The following CACNA2D3 variants were observed in gnomAD, a reference collection of about 807,000 sequenced individuals.
CACNA2D3 encodes voltage-dependent calcium channel subunit alpha-2/delta-3.
In CACNA2D3, 60 loss-of-function variants were observed where a neutral mutation model predicts 160.6. The observed-to-expected ratio is 0.37, with a 90% confidence interval of 0.30 to 0.46. The LOEUF (loss-of-function observed/expected upper bound fraction) is 0.46. Ranked by LOEUF, CACNA2D3 falls within the 20% of genes least tolerant of loss-of-function variation. The pLI is 1.00. For missense variants in CACNA2D3, 1,205 were observed against 1,365.0 expected (o/e 0.88, Z 1.85); for synonymous variants, 558 against 492.9 (o/e 1.13, Z -1.75).
intron 14 of CACNA2D3, among the ~76,000 whole-genome samples, chr3:54,826,971 T>C (rs1575498446): frequency 6.6e-6 from 1 of 152,242 alleles, no homozygotes; most frequent in East Asian, 1.9e-4. Flanking sequence ...CTAGGCACTT[T>C]ATGTCTATAA....
chr3:54,505,348 C>A (rs534032771), intron 5 of CACNA2D3, among the ~76,000 whole-genome samples: 2 of 152,306 alleles, frequency 1.3e-5, no homozygotes, highest in South Asian at 4.1e-4. Context: ...TGGGACCTGT[C>A]TACTTCTTCA....
chr3:54,670,020 A>G (rs1284635658), intron 11 of CACNA2D3, among the ~76,000 whole-genome samples: 1 of 152,196 alleles, frequency 6.6e-6, no homozygotes, highest in Non-Finnish European at 1.5e-5. Context: ...GGAAACACTG[A>G]AACAACAAAA....
intron 5 of CACNA2D3, among the ~76,000 whole-genome samples, chr3:54,540,892 T>C (rs1701961844): frequency 6.6e-6 from 1 of 152,012 alleles, no homozygotes; most frequent in South Asian, 2.1e-4. Context: ...ATATGAAAAA[T>C]AGGGCCTTTG....
chr3:54,816,862 G>T lies in CACNA2D3; in HGVS notation c.1390G>T (p.Ala464Ser). The T allele has an allele frequency of 6.2e-7, 1 of 1,613,372 alleles. No individual in the cohort carries two copies. Among genetic ancestry groups the T allele is most frequent in the Non-Finnish European group, 8.5e-7 (1 of 1,179,764 alleles). ...TGTTTTCCCCCTTCAGCTCCCTCAG[G>T]CACAAAAGGTAAATTCTCTTCTGTC... ...EAYIDSTLPQ[A>S]QKLTDDQGPV... The change falls in exon 14 of 38, where the codon GCA becomes TCA. Residue 464 changes from alanine (A) to serine (S), a missense_variant. Ala to Ser is a moderately conservative substitution (Grantham distance 99). Around this residue, in one of 3 missense-constraint regions of CACNA2D3, gnomAD observed 911 missense variants for 1,002.2 expected, o/e 0.91. Coordinates refer to ENST00000474759, the MANE Select transcript of CACNA2D3 (RefSeq NM_018398.3).
chr3:54,530,080 C>T (rs979460709), intron 5 of CACNA2D3, among the ~76,000 whole-genome samples: 20 of 152,128 alleles, frequency 1.3e-4, no homozygotes, highest in African/African-American at 2.7e-4. Flanking sequence ...AGGTCAAAGT[C>T]GTGGGGGATG....
chr3:54,872,870 G>A (rs1275990832), intron 18 of CACNA2D3, among the ~76,000 whole-genome samples: 2 of 152,104 alleles, frequency 1.3e-5, no homozygotes, highest in Non-Finnish European at 1.5e-5. Context: ...TAGCATGGTC[G>A]AGTTTTCTAT....
intron 11 of CACNA2D3, among the ~76,000 whole-genome samples, chr3:54,676,359 C>T (rs1432574833): frequency 3.9e-5 from 6 of 152,070 alleles, no homozygotes; most frequent in Admixed American, 2.6e-4. Context: ...CCTGGTGGGA[C>T]CTGTCTTGTG....
At chr3:54,958,689 G>T (rs1701961786) in intron 27 of CACNA2D3, among the ~76,000 whole-genome samples, 1 of 152,202 alleles carries the variant, frequency 6.6e-6, no homozygotes, top group Admixed American at 6.5e-5. Context: ...CTGTTAAGCT[G>T]CAGGATACAA....
intron 5 of CACNA2D3, among the ~76,000 whole-genome samples, chr3:54,515,721 G>T (rs1464388448): frequency 6.6e-6 from 1 of 152,166 alleles, no homozygotes; most frequent in South Asian, 2.1e-4. Flanking sequence ...TGATACTCTA[G>T]TCATCTGCCG....
chr3:54,236,782 C>T (rs1166407958), intron 2 of CACNA2D3, among the ~76,000 whole-genome samples: 3 of 152,246 alleles, frequency 2.0e-5, no homozygotes, highest in Middle Eastern at 3.4e-3. Context: ...TTCATTCCAG[C>T]CCTGCGCCAT....
At chr3:54,818,785 G>T (rs1285927119) in intron 14 of CACNA2D3, among the ~76,000 whole-genome samples, 2 of 152,188 alleles carry the variant, frequency 1.3e-5, no homozygotes, top group African/African-American at 2.4e-5. Context: ...TCCTATCATG[G>T]CTAGAAATTG....
Position 54,303,216 on chromosome 3 carries a change from C to G in CACNA2D3, c.205-17226C>G, listed in dbSNP as rs142926113. 2.1e-3 allele frequency among the ~76,000 whole-genome samples: 321 copies of G among 152,260 alleles called. 4 individuals are homozygous for G. Among genetic ancestry groups the G allele is most frequent in the African/African-American group, 7.1e-3 (297 of 41,558 alleles). On this transcript the variant is annotated intron_variant, in intron 2 of 37. Coordinates refer to ENST00000474759, the MANE Select transcript of CACNA2D3 (RefSeq NM_018398.3). ...GGATGGAGAGCACATTGCTTTTCTT[C>G]TCTGGAGTAGTCCTACCACTCAGCA... is the stretch of plus-strand genomic sequence containing the variant.
intron 11 of CACNA2D3, among the ~76,000 whole-genome samples, chr3:54,649,098 C>T (rs1480159374): frequency 2.6e-5 from 4 of 152,180 alleles, no homozygotes; most frequent in Non-Finnish European, 5.9e-5. Context: ...ATGCCGAATA[C>T]TCCTTTTCAT....
intron 9 of CACNA2D3, among the ~76,000 whole-genome samples, chr3:54,618,973 C>T (rs1314838545): frequency 6.6e-6 from 1 of 152,222 alleles, no homozygotes; most frequent in Non-Finnish European, 1.5e-5. Context: ...CCAAGAAACG[C>T]ATTTGAATCA....
At chr3:54,537,947 C>T (rs576405731) in intron 5 of CACNA2D3, among the ~76,000 whole-genome samples, 6 of 152,116 alleles carry the variant, frequency 3.9e-5, no homozygotes, top group Non-Finnish European at 8.8e-5. Context: ...TGAGAGGGCT[C>T]GTGGTTCCTC....
intron 25 of CACNA2D3, among the ~76,000 whole-genome samples, chr3:54,892,068 C>T (rs1700082622): frequency 1.3e-5 from 2 of 152,120 alleles, no homozygotes; most frequent in South Asian, 2.1e-4. Flanking sequence ...CTTCAGAGAA[C>T]CACGGGCCCT....
chr3:54,726,565 G>A (rs1380368364), intron 11 of CACNA2D3, among the ~76,000 whole-genome samples: 1 of 152,132 alleles, frequency 6.6e-6, no homozygotes, highest in Non-Finnish European at 1.5e-5. Flanking sequence ...CCAAAACAGA[G>A]ATATAGACCA....
At chr3:54,656,545 T>C (rs764771934) in intron 11 of CACNA2D3, among the ~76,000 whole-genome samples, 7 of 152,252 alleles carry the variant, frequency 4.6e-5, no homozygotes, top group Admixed American at 1.3e-4. Flanking sequence ...CTTTGTAGGA[T>C]AGGCCAAGAA....
chr3:54,342,021 G>A (rs145788687), intron 3 of CACNA2D3, among the ~76,000 whole-genome samples: 3 of 152,156 alleles, frequency 2.0e-5, no homozygotes, highest in African/African-American at 4.8e-5. Flanking sequence ...TCTCCATCTC[G>A]TAGGTGAGGA....
Sources: gnomAD v4.1 joint callset for allele counts (sites outside exome capture counted in the v4.1 genomes callset) on GRCh38, gnomAD v4.1.1 for gene constraint, gnomAD v4.1.1 regional missense constraint, MANE v1.5 for transcripts, NCBI Gene and HGNC (gene_info 2026-07-23, HGNC 2026-07-21) for gene names.